PTPRU: variants seen among roughly 807,000 people sequenced by gnomAD.
PTPRU encodes the protein protein tyrosine phosphatase receptor type U.
A neutral mutation model predicts 166.3 loss-of-function variants in PTPRU; 69 were observed. The observed-to-expected ratio is 0.41, with a 90% CI of 0.34 to 0.51. The LOEUF (loss-of-function observed/expected upper bound fraction) is 0.51, where lower values mean the gene tolerates loss of function less well. Among genes scored for constraint, PTPRU ranks in the 20% least tolerant of loss-of-function variants. The probability of loss-of-function intolerance (pLI) is 0.09; values close to 1 mark genes in which losing one functional copy is unlikely to be tolerated. For synonymous variants in PTPRU, 793 were observed against 814.0 expected, an observed-to-expected ratio of 0.97 and a Z score of 0.44; for missense variants, 1,657 against 2,013.7, an observed-to-expected ratio of 0.82 and a Z score of 3.39.
intron 25 of PTPRU, among the ~76,000 whole-genome samples, chr1:29,319,394 G>C (rs777838351): frequency 5.0e-4 from 76 of 152,194 alleles, no homozygotes; most frequent in Non-Finnish European, 2.6e-4. Context: ...AGACAGCCCT[G>C]TCCCCTCCTG....
intron 26 of PTPRU, among the ~76,000 whole-genome samples, chr1:29,322,185 C>T (rs1004732928): frequency 1.3e-5 from 2 of 152,128 alleles, no homozygotes; most frequent in Non-Finnish European, 2.9e-5. Flanking sequence ...GGGGAGAGGC[C>T]CAGAGGGAGG....
At chr1:29,305,601 G>A in intron 18 of PTPRU, 173 bp downstream of exon 18, 1 of 789,320 alleles carries the variant, frequency 1.3e-6, no homozygotes, top group African/African-American at 1.7e-5. Context: ...ACAGTGAGCA[G>A]CAGCTTCTGG....
At chr1:29,314,671 G>A (rs1427974725) in intron 22 of PTPRU, among the ~76,000 whole-genome samples, 3 of 151,738 alleles carry the variant, frequency 2.0e-5, no homozygotes, top group East Asian at 1.9e-4. Flanking sequence ...TCCATCTCCC[G>A]GGTTCAAGCG....
intron 7 of PTPRU, among the ~76,000 whole-genome samples, chr1:29,274,773 G>A (rs1006125787): frequency 4.6e-5 from 7 of 152,016 alleles, no homozygotes; most frequent in Admixed American, 1.3e-4. Flanking sequence ...ATTATTGGCC[G>A]GGTGCGGTGG....
chr1:29,305,985 C>A (rs1458833943), intron 18 of PTPRU, among the ~76,000 whole-genome samples: 1 of 152,240 alleles, frequency 6.6e-6, no homozygotes, highest in African/African-American at 2.4e-5. Flanking sequence ...CCCTTTGAGG[C>A]AGTTAGCACC....
chr1:29,281,076 C>T (rs528444330), intron 11 of PTPRU, among the ~76,000 whole-genome samples: 1 of 152,164 alleles, frequency 6.6e-6, no homozygotes, highest in African/African-American at 2.4e-5. Flanking sequence ...CCCTTCCTTC[C>T]ACGAAGGTAC....
rs1386652116 is a variant in PTPRU, at chr1:29,312,690, A to G, written c.3211A>G (p.Ile1071Val). Residue 1071 changes from isoleucine to valine, a missense_variant, in exon 22 of 30, where the codon ATT becomes GTT. Transcript: ENST00000373779. ...CTCCACCCCACCTGATGCCGGGCCC[A>G]TTGTCATCCACTGCAGGTGGGGGCA... ...KASTPPDAGP[I>V]VIHCSAGTGR... The G allele has an allele frequency of 4.4e-6, 7 of 1,607,594 alleles. No homozygotes were observed. Among genetic ancestry groups the G allele is most frequent in the Admixed American group, 1.7e-5 (1 of 59,854 alleles).
At chr1:29,300,086 A>G (rs560268260) in intron 15 of PTPRU, among the ~76,000 whole-genome samples, 50 of 152,184 alleles carry the variant, frequency 3.3e-4, no homozygotes, top group Non-Finnish European at 5.6e-4. Context: ...TATTATATTT[A>G]ATATTTACAT....
chr1:29,284,271 G>T (rs1469334570), intron 13 of PTPRU, among the ~76,000 whole-genome samples: 1 of 152,166 alleles, frequency 6.6e-6, no homozygotes, highest in Non-Finnish European at 1.5e-5. Flanking sequence ...CGGCTTTCCT[G>T]TGGTGGGGGA....
chr1:29,241,003 T>C (rs1397779000), intron 1 of PTPRU, among the ~76,000 whole-genome samples: 1 of 152,086 alleles, frequency 6.6e-6, no homozygotes, highest in Non-Finnish European at 1.5e-5. Flanking sequence ...TGTGTGCAGA[T>C]GTGACTCTAG....
intron 7 of PTPRU, among the ~76,000 whole-genome samples, chr1:29,274,684 T>A (rs556273130): frequency 6.6e-5 from 10 of 152,304 alleles, no homozygotes; most frequent in Middle Eastern, 3.4e-3. Flanking sequence ...GAAAAATATA[T>A]CAACAGTTTG....
intron 11 of PTPRU, 129 bp from the exon 12 acceptor site, chr1:29,282,547 G>C: frequency 5.4e-6 from 7 of 1,288,636 alleles, no homozygotes; most frequent in Non-Finnish European, 7.3e-6. Context: ...TGCCCAGCTA[G>C]TAAGGAGCAG....
In PTPRU at chr1:29,260,883, T is replaced by G; in HGVS notation, c.1124T>G (p.Ile375Ser). Reference protein sequence around the residue: ...GGTGRPGPPLISRTKCAEPMR... With the variant: ...GGTGRPGPPLSSRTKCAEPMR... ...ACTGGCCGCCCTGGGCCACCCCTCA[T>G]CAGCCGCACCAAATGCGCAGGTGGG... The change falls in exon 7 of 30, where the codon ATC (isoleucine) becomes AGC (serine). Residue 375 changes from isoleucine (I) to serine (S), a missense_variant. By Grantham distance (142) the Ile-to-Ser change is moderately radical. This residue lies in a region of PTPRU where 1,190 missense variants were observed against 1,477.4 expected (regional missense o/e 0.81). Transcript: ENST00000373779. The surrounding 1 kb of genome is among the most constrained non-coding windows in gnomAD (Gnocchi z 8.3). 6.3e-7 allele frequency: 1 copy of G among 1,582,864 alleles called. No homozygotes were observed. The highest frequency in any genetic ancestry group is 8.6e-7 in the Non-Finnish European group (1 of 1,167,110).
intron 24 of PTPRU, among the ~76,000 whole-genome samples, chr1:29,316,740 G>A (rs1188240538): frequency 6.6e-6 from 1 of 152,094 alleles, no homozygotes; most frequent in Non-Finnish European, 1.5e-5. Flanking sequence ...GGAAAAAGGC[G>A]CTTGCTGCTC....
chr1:29,317,293 G>A lies in PTPRU; in HGVS notation c.3514-455G>A, dbSNP rs537492967. Among the ~76,000 whole-genome samples, 29 of 152,236 alleles carry A rather than the reference G, an allele frequency of 1.9e-4. No individual in the cohort carries two copies. In the East Asian group the frequency reaches 5.4e-3, roughly 28 times the overall value. Reference sequence around the variant, plus strand: ...CCAAGGAACGTGACCCCCTCTCCACGTGCCTGGAGTCCGCTTCTTGGAGGG... The same window carrying A: ...CCAAGGAACGTGACCCCCTCTCCACATGCCTGGAGTCCGCTTCTTGGAGGG... On this transcript the variant is annotated intron_variant, in intron 24 of 29. Coordinates refer to ENST00000373779, the MANE Select transcript of PTPRU (RefSeq NM_133178.4). The surrounding 1 kb of genome is among the most constrained non-coding windows in gnomAD (Gnocchi z 5.6).
chr1:29,259,536 C>A lies in PTPRU; in HGVS notation c.647C>A (p.Ala216Glu). The part of the protein sequence containing the change: ...ASFQCMAAGR[A>E]AEAERFLLQR... ...TTCCAGTGCATGGCCGCGGGCAGAG[C>A]GGCCGAGGCCGAACGCTTCCTCTTG... Residue 216 changes from alanine (A) to glutamate (E), a missense_variant, in exon 5 of 30, where the codon GCG (alanine) becomes GAG (glutamate). By Grantham distance (107) the Ala-to-Glu change is moderately radical. Coordinates refer to ENST00000373779, the MANE Select transcript of PTPRU (RefSeq NM_133178.4). The A allele has an allele frequency of 7.4e-7, 1 of 1,353,780 alleles. No homozygotes were observed. Among genetic ancestry groups the A allele is most frequent in the Non-Finnish European group, 9.8e-7 (1 of 1,017,098 alleles). The allele number at this position is 1,353,780 out of a possible 1,614,324, so 83.9% of individuals were successfully genotyped here. A position where few individuals can be genotyped will look rare whatever the true frequency, so the allele number is the denominator to read the frequency against.
chr1:29,312,083 G>A (rs573326545), intron 21 of PTPRU, among the ~76,000 whole-genome samples: 21 of 152,240 alleles, frequency 1.4e-4, no homozygotes, highest in Non-Finnish European at 2.4e-4. Flanking sequence ...GATACAGAAA[G>A]TGAGGCTCAG....
At chr1:29,304,158 C>G (rs1240070405) in intron 16 of PTPRU, 113 bp downstream of exon 16, 2 of 1,246,108 alleles carry the variant, frequency 1.6e-6, no homozygotes, top group East Asian at 2.6e-5. Flanking sequence ...GACGCCTGCT[C>G]TGACAGTTTC....
Position 29,260,127 on chromosome 1 carries a change from C to T in PTPRU, c.850+83C>T. 5 of 413,178 alleles carry T rather than the reference C, an allele frequency of 1.2e-5. No individual in the cohort carries two copies. The highest frequency in any genetic ancestry group is 1.8e-5 in the Non-Finnish European group (5 of 284,130). The allele number at this position is 413,178 out of a possible 1,614,324, so 25.6% of individuals were successfully genotyped here. A position where few individuals can be genotyped will look rare whatever the true frequency, so the allele number is the denominator to read the frequency against. The stretch of plus-strand genomic sequence containing the variant: ...GACGGGGGCGGGCTCTGCCCGGGGG[C>T]GTGGCCGTGGGGGGTGGGGCCGGCA... On this transcript the variant is annotated intron_variant, in intron 6 of 29. Coordinates refer to ENST00000373779, the MANE Select transcript of PTPRU (RefSeq NM_133178.4). The surrounding 1 kb of genome is among the most constrained non-coding windows in gnomAD (Gnocchi z 8.3).
Sources: gnomAD v4.1 joint callset for allele counts (sites outside exome capture counted in the v4.1 genomes callset) on GRCh38, gnomAD v4.1.1 for gene constraint, gnomAD v4.1.1 regional missense constraint, Gnocchi (gnomAD v3.1) non-coding constraint, MANE v1.5 for transcripts, NCBI Gene and HGNC (gene_info 2026-07-23, HGNC 2026-07-21) for gene names.